COL11A1: variants seen among roughly 807,000 people sequenced by gnomAD.
The protein encoded by COL11A1 is collagen type XI alpha 1 chain, also known as collagen alpha-1(XI) chain.
A neutral mutation model predicts 265.2 loss-of-function variants in COL11A1; 74 were observed. That is an observed-to-expected ratio of 0.28 (90% CI 0.23 to 0.34). The LOEUF is 0.34. Among genes scored for constraint, COL11A1 ranks in the 10% least tolerant of loss-of-function variants. The pLI is 1.00. For missense variants in COL11A1, 2,165 were observed against 2,263.6 expected, an observed-to-expected ratio of 0.96 and a Z score of 0.88; for synonymous variants, 816 against 727.6, an observed-to-expected ratio of 1.12 and a Z score of -1.96.
In COL11A1 at chr1:102,979,412, A is replaced by G; in HGVS notation, c.2580T>C (p.Phe860=). ...GPKGSTGFPG[F]PGANGEKGAR... ...CACCTTTCTCTCCATTGGCACCTGG[A>G]AACCCAGGGAATCCAGTGGAACCCT... The change falls in exon 32 of 67, where the codon TTT becomes TTC. Residue 860 remains phenylalanine (F), a synonymous_variant. Transcript: ENST00000370096. 6.2e-7 allele frequency: 1 copy of G among 1,610,042 alleles called. No individual in the cohort carries two copies.
At chr1:102,937,031 T>C (rs1658216621) in intron 44 of COL11A1, among the ~76,000 whole-genome samples, 1 of 152,140 alleles carries the variant, frequency 6.6e-6, no homozygotes, top group African/African-American at 2.4e-5. Flanking sequence ...ACAAAACAAA[T>C]GTAACAATGG....
Position 102,889,470 on chromosome 1 carries a change from T to C in COL11A1, c.4449A>G (p.Gly1483=), listed in dbSNP as rs766122412. The change falls in exon 59 of 67, where the codon GGA becomes GGG. Residue 1483 remains glycine (G), a synonymous_variant. Coordinates refer to ENST00000370096, the MANE Select transcript of COL11A1 (RefSeq NM_001854.4). Reference sequence around the variant, plus strand: ...TTTTACTCACCCCATCCCCTTTTGCTCCTGGAGATCCTTGAGTTCCAGGGA... The same window carrying C: ...TTTTACTCACCCCATCCCCTTTTGCCCCTGGAGATCCTTGAGTTCCAGGGA... ...RGLPGTQGSP[G]AKGDGGIPGP... is the part of the protein sequence containing the mutation. 1 of 1,613,150 alleles carries C rather than the reference T, an allele frequency of 6.2e-7. No individual in the cohort carries two copies. Among genetic ancestry groups the C allele is most frequent in the South Asian group, 1.1e-5 (1 of 91,054 alleles).
chr1:103,061,364 C>A (rs571878907), intron 4 of COL11A1, among the ~76,000 whole-genome samples: 7 of 151,988 alleles, frequency 4.6e-5, no homozygotes, highest in African/African-American at 1.7e-4. Context: ...TTAGTAAGGA[C>A]AAAGTTGAAC....
chr1:102,890,919 G>A, intron 57 of COL11A1, among the ~76,000 whole-genome samples: 1 of 151,896 alleles, frequency 6.6e-6, no homozygotes, highest in East Asian at 1.9e-4. Flanking sequence ...CTTTTGAACA[G>A]TCAATAGATC....
At position 102,974,876 on chromosome 1, in the gene COL11A1, T is replaced by C. The variant is rs764047909; in HGVS notation, c.2762A>G (p.Gln921Arg). 23 of 1,612,886 alleles carry C rather than the reference T, an allele frequency of 1.4e-5. No homozygotes were observed. In the East Asian group the frequency reaches 4.0e-4, roughly 28 times the overall value. The change falls in exon 36 of 67, where the codon CAA becomes CGA. Residue 921 changes from glutamine to arginine, a missense_variant. By Grantham distance (43) the Gln-to-Arg change is conservative (BLOSUM62 1). Coordinates refer to ENST00000370096, the MANE Select transcript of COL11A1 (RefSeq NM_001854.4). ...PPGPPGERGP[Q>R]GPQGPVGFPG... ...GAATCCAACTGGACCCTGAGGTCCTTGAGGACCCTGGAAATAAAAAGCAGT... is the reference window on the plus strand; with the variant it reads ...GAATCCAACTGGACCCTGAGGTCCTCGAGGACCCTGGAAATAAAAAGCAGT...
chr1:103,076,733 T>C (rs12722908), intron 3 of COL11A1, among the ~76,000 whole-genome samples: 7,903 of 152,212 alleles, frequency 0.052, 219 homozygotes, highest in Middle Eastern at 0.092. Context: ...ACATCTCTTA[T>C]CTTGATTTAT....
At chr1:102,953,659 A>G (rs12142524) in intron 41 of COL11A1, among the ~76,000 whole-genome samples, 18,993 of 152,162 alleles carry the variant, frequency 0.12, 1,420 homozygotes, top group Middle Eastern at 0.18. Flanking sequence ...ATCTCAAATA[A>G]TTGTAGAAGT....
intron 41 of COL11A1, among the ~76,000 whole-genome samples, chr1:102,957,299 T>A (rs773046226): frequency 6.6e-6 from 1 of 152,008 alleles, no homozygotes; most frequent in Non-Finnish European, 1.5e-5. Context: ...CAGATTAGAG[T>A]CATATAGTAA....
Position 102,990,707 on chromosome 1 carries a change from G to A in COL11A1, c.2341-1136C>T, listed in dbSNP as rs559560492. Reference sequence around the variant, plus strand: ...AGCAATTACTCATTCAAAGTGCTGCGGAGTATTTTGAGGTTTTTGTTTTAC... The same window carrying A: ...AGCAATTACTCATTCAAAGTGCTGCAGAGTATTTTGAGGTTTTTGTTTTAC... On this transcript the variant is annotated intron_variant, in intron 28 of 66. Transcript: ENST00000370096. Among the ~76,000 whole-genome samples the A allele has an allele frequency of 5.3e-5, 8 of 150,850 alleles. No homozygotes were observed. The South Asian group carries it at 1.0e-3, about 20-fold the overall frequency.
intron 44 of COL11A1, among the ~76,000 whole-genome samples, chr1:102,935,429 A>C (rs537825532): frequency 6.6e-6 from 1 of 152,218 alleles, no homozygotes; most frequent in Non-Finnish European, 1.5e-5. Flanking sequence ...AAATTTTCAA[A>C]GTATCAGATT....
intron 4 of COL11A1, among the ~76,000 whole-genome samples, chr1:103,072,535 A>G (rs953297375): frequency 1.3e-5 from 2 of 151,808 alleles, no homozygotes; most frequent in African/African-American, 4.8e-5. Flanking sequence ...TTACTTGCAA[A>G]GATTCATAAG....
Position 102,886,966 on chromosome 1 carries a change from C to A in COL11A1, c.4699G>T (p.Asp1567Tyr). Residue 1567 changes from aspartate to tyrosine, a missense_variant, in exon 63 of 67, where the codon GAT becomes TAT. Asp to Tyr is a radical substitution (Grantham distance 160). Coordinates refer to ENST00000370096, the MANE Select transcript of COL11A1 (RefSeq NM_001854.4). ...HTEGMQADAD[D>Y]NILDYSDGME... Reference sequence around the variant, plus strand: ...CCATCCGAGTAATCAAGAATATTATCATCTGCATCTGCTTGCATGCCTTCA... The same window carrying A: ...CCATCCGAGTAATCAAGAATATTATAATCTGCATCTGCTTGCATGCCTTCA... 6.2e-7 allele frequency: 1 copy of A among 1,613,868 alleles called. No individual in the cohort carries two copies. Among genetic ancestry groups the A allele is most frequent in the Non-Finnish European group, 8.5e-7 (1 of 1,179,862 alleles).
intron 46 of COL11A1, among the ~76,000 whole-genome samples, chr1:102,926,743 C>G (rs1262579253): frequency 6.6e-6 from 1 of 151,950 alleles, no homozygotes; most frequent in Non-Finnish European, 1.5e-5. Context: ...AGAACTGTTT[C>G]TAAATTACAG....
intron 57 of COL11A1, among the ~76,000 whole-genome samples, chr1:102,894,020 C>A (rs1652083637): frequency 6.6e-6 from 1 of 151,984 alleles, no homozygotes; most frequent in South Asian, 2.1e-4. Flanking sequence ...ACTAAATAAT[C>A]TTTTTTGAAC....
Position 102,915,441 on chromosome 1 carries a change from G to C in COL11A1, c.3816+190C>G, listed in dbSNP as rs114612888. Among the ~76,000 whole-genome samples, 1,341 of 152,122 alleles carry C rather than the reference G, an allele frequency of 8.8e-3. 19 individuals are homozygous for C. The highest frequency in any genetic ancestry group is 0.031 in the African/African-American group (1,277 of 41,512). On this transcript the variant is annotated intron_variant, in intron 50 of 66. Transcript: ENST00000370096. ...AGCAAATATGATATTTTTTCAATTT[G>C]TTTATCAATCCACATATGTAAAGAT...
intron 31 of COL11A1, among the ~76,000 whole-genome samples, chr1:102,981,399 G>A (rs977138067): frequency 6.6e-6 from 1 of 151,698 alleles, no homozygotes; most frequent in Admixed American, 6.6e-5. Context: ...AATTTTGAGG[G>A]GGGGGACAAA....
At chr1:102,912,882 G>T (rs143342851) in intron 53 of COL11A1, among the ~76,000 whole-genome samples, 1 of 152,090 alleles carries the variant, frequency 6.6e-6, no homozygotes, top group Non-Finnish European at 1.5e-5. Context: ...TGCTTGCTTC[G>T]CCTTCCACCA....
intron 4 of COL11A1, among the ~76,000 whole-genome samples, chr1:103,044,165 G>GTTTT (rs367743704): frequency 7.1e-5 from 10 of 141,566 alleles, no homozygotes; most frequent in Non-Finnish European, 6.2e-5. Context: ...ACTCTCACCA[G>GTTTT]TTTTTTTTTT....
chr1:102,895,003 TGTGA>T (rs1007333591), intron 57 of COL11A1, among the ~76,000 whole-genome samples: 3 of 149,638 alleles, frequency 2.0e-5, no homozygotes, highest in Admixed American at 6.7e-5. Context: ...TTGTAGTGTG[TGTGA>T]GTGTGTGTGT....
Sources: allele counts gnomAD v4.1 joint callset (sites outside exome capture counted in the v4.1 genomes callset), GRCh38; gene constraint gnomAD v4.1.1; transcripts MANE v1.5; gene names NCBI Gene and HGNC (gene_info 2026-07-23, HGNC 2026-07-21).